GRIK1: variants seen among roughly 807,000 people sequenced by gnomAD.
The protein encoded by GRIK1 is glutamate ionotropic receptor kainate type subunit 1, also known as glutamate receptor ionotropic, kainate 1.
GRIK1 carries 69 observed loss-of-function variants against 105.7 expected under a neutral mutation model. The ratio of observed to expected loss-of-function variants is 0.65; its 90% CI spans 0.54 to 0.80. GRIK1 has a LOEUF of 0.80. Ranked by LOEUF, GRIK1 falls within the 30% of genes least tolerant of loss-of-function variation. The pLI is 0.00. For missense variants in GRIK1, 1,109 were observed against 1,167.3 expected (o/e 0.95, Z 0.73); for synonymous variants, 438 against 431.3 (o/e 1.02, Z -0.19).
At chr21:29,697,779 T>C (rs1435612906) in intron 1 of GRIK1, among the ~76,000 whole-genome samples, 1 of 152,168 alleles carries the variant, frequency 6.6e-6, no homozygotes, top group African/African-American at 2.4e-5. Flanking sequence ...GAGTCTTTAA[T>C]AAGCAGAATA....
At chr21:29,682,768 A>G (rs2063404684) in intron 3 of GRIK1, among the ~76,000 whole-genome samples, 1 of 152,236 alleles carries the variant, frequency 6.6e-6, no homozygotes, top group Non-Finnish European at 1.5e-5. Context: ...CAACAAAAAC[A>G]AACATTGACA....
Position 29,587,501 on chromosome 21 carries a change from A to T in GRIK1, c.1658T>A (p.Ile553Asn). ...DFSKPFMTLG[I>N]SILYRKPNGT... ...ATTGGGCTTCCGGTAGAGAATGCTG[A>T]TGCCTAGGGTCATGAAGGGTTTGGA... Residue 553 changes from isoleucine (I) to asparagine (N), a missense_variant, in exon 12 of 18, where the codon ATC becomes AAC. This residue lies in a region of GRIK1 where 264 missense variants were observed against 306.9 expected (regional missense o/e 0.86). Transcript: ENST00000327783. 6.2e-7 allele frequency: 1 copy of T among 1,613,358 alleles called. No individual in the cohort carries two copies. Among genetic ancestry groups the T allele is most frequent in the Non-Finnish European group, 8.5e-7 (1 of 1,179,292 alleles).
intron 7 of GRIK1, among the ~76,000 whole-genome samples, chr21:29,603,041 C>T (rs962203527): frequency 6.6e-6 from 1 of 152,074 alleles, no homozygotes; most frequent in African/African-American, 2.4e-5. Flanking sequence ...TTCCCTGTCC[C>T]ACCAACTGGC....
intron 1 of GRIK1, among the ~76,000 whole-genome samples, chr21:29,878,234 C>T (rs147986999): frequency 6.6e-6 from 1 of 151,962 alleles, no homozygotes; most frequent in South Asian, 2.1e-4. Context: ...AGACAGCAGG[C>T]AAAAGAGGTC....
chr21:29,716,564 G>A (rs1242237605), intron 1 of GRIK1, among the ~76,000 whole-genome samples: 1 of 152,148 alleles, frequency 6.6e-6, no homozygotes, highest in East Asian at 1.9e-4. Flanking sequence ...GGAACTTCTT[G>A]AGAACTGGAA....
chr21:29,602,039 T>C (rs1337520618), intron 7 of GRIK1, among the ~76,000 whole-genome samples: 2 of 152,364 alleles, frequency 1.3e-5, no homozygotes, highest in East Asian at 3.9e-4. Flanking sequence ...ATATCTTTGA[T>C]TGGGAGTCAA....
intron 1 of GRIK1, among the ~76,000 whole-genome samples, chr21:29,737,181 C>T (rs1046585191): frequency 7.2e-5 from 11 of 152,144 alleles, no homozygotes; most frequent in Admixed American, 5.9e-4. Context: ...GCCTGTAAGA[C>T]CTTGCCCAGG....
chr21:29,885,524 C>T (rs535118116), intron 1 of GRIK1, among the ~76,000 whole-genome samples: 93 of 151,954 alleles, frequency 6.1e-4, no homozygotes, highest in Non-Finnish European at 1.2e-3. Context: ...ACCTATTTGC[C>T]ATTTAGAATT....
chr21:29,827,764 C>T (rs2067501684), intron 1 of GRIK1, among the ~76,000 whole-genome samples: 1 of 151,890 alleles, frequency 6.6e-6, no homozygotes, highest in African/African-American at 2.4e-5. Flanking sequence ...AAGTAAACAC[C>T]CCAAAACTTA....
chr21:29,842,961 T>C (rs1452116021), intron 1 of GRIK1, among the ~76,000 whole-genome samples: 1 of 152,230 alleles, frequency 6.6e-6, no homozygotes, highest in East Asian at 1.9e-4. Flanking sequence ...AAAGGATATT[T>C]GAGTATGTTT....
chr21:29,752,289 T>C (rs1214722705), intron 1 of GRIK1, among the ~76,000 whole-genome samples: 1 of 152,234 alleles, frequency 6.6e-6, no homozygotes, highest in Non-Finnish European at 1.5e-5. Flanking sequence ...AGGAATGATA[T>C]CCTTAACAGT....
chr21:29,755,628 T>C (rs1286680773), intron 1 of GRIK1, among the ~76,000 whole-genome samples: 1 of 151,928 alleles, frequency 6.6e-6, no homozygotes, highest in African/African-American at 2.4e-5. Context: ...CATGGAGAGA[T>C]GGGAGGCAGG....
intron 1 of GRIK1, among the ~76,000 whole-genome samples, chr21:29,835,173 T>C (rs974903383): frequency 2.0e-5 from 3 of 152,210 alleles, no homozygotes; most frequent in South Asian, 2.1e-4. Context: ...GTATTTTGTG[T>C]ACTTTTGTAA....
chr21:29,547,459 G>A (rs554288438), intron 16 of GRIK1, among the ~76,000 whole-genome samples: 1 of 152,088 alleles, frequency 6.6e-6, no homozygotes, highest in Admixed American at 6.5e-5. Flanking sequence ...AAACAATATT[G>A]TGGTTGGCAG....
intron 1 of GRIK1, among the ~76,000 whole-genome samples, chr21:29,829,573 A>G (rs1305620525): frequency 6.6e-6 from 1 of 152,312 alleles, no homozygotes; most frequent in Non-Finnish European, 1.5e-5. Context: ...GTTAGCAAGC[A>G]GTGCCACTCA....
intron 17 of GRIK1, 98 bp from the exon 18 acceptor site, chr21:29,537,483 G>T (rs2089898654): frequency 1.0e-6 from 1 of 962,686 alleles, no homozygotes. Flanking sequence ...CAAGATATTG[G>T]CTTGAAGGCA....
chr21:29,742,002 G>A (rs1438916305), intron 1 of GRIK1, among the ~76,000 whole-genome samples: 1 of 152,154 alleles, frequency 6.6e-6, no homozygotes, highest in Non-Finnish European at 1.5e-5. Flanking sequence ...AGGTACAATG[G>A]CCTCATTTAC....
At chr21:29,654,955 A>G in intron 4 of GRIK1, 92 bp from the exon 5 acceptor site, 1 of 834,836 alleles carries the variant, frequency 1.2e-6, no homozygotes, top group South Asian at 1.4e-5. Flanking sequence ...TTGGAAACAT[A>G]GAACAGGAAG....
intron 3 of GRIK1, among the ~76,000 whole-genome samples, chr21:29,686,642 T>G (rs1348003685): frequency 6.6e-6 from 1 of 152,268 alleles, no homozygotes; most frequent in East Asian, 1.9e-4. Flanking sequence ...GTTTACATAT[T>G]GTCCGTGTGC....
Sources: allele counts gnomAD v4.1 joint callset (sites outside exome capture counted in the v4.1 genomes callset), GRCh38; gene constraint gnomAD v4.1.1; regional missense constraint gnomAD v4.1.1; transcripts MANE v1.5; gene names NCBI Gene and HGNC (gene_info 2026-07-23, HGNC 2026-07-21).